The following ATAD2 variants were observed in gnomAD, a reference collection of about 807,000 sequenced individuals.
The protein encoded by ATAD2 is ATPase family AAA domain-containing protein 2.
A neutral mutation model predicts 168.9 loss-of-function variants in ATAD2; 62 were observed. That is an observed-to-expected ratio of 0.37 (90% CI 0.30 to 0.45). The LOEUF (loss-of-function observed/expected upper bound fraction) is 0.45, where lower values mean the gene tolerates loss of function less well. Ranked by LOEUF, ATAD2 falls within the 20% of genes least tolerant of loss-of-function variation. ATAD2 has a pLI of 1.00. For missense variants in ATAD2, 1,419 were observed against 1,667.8 expected, an observed-to-expected ratio of 0.85 and a Z score of 2.60; for synonymous variants, 613 against 571.6, an observed-to-expected ratio of 1.07 and a Z score of -1.03.
intron 2 of ATAD2, among the ~76,000 whole-genome samples, chr8:123,379,916 C>T (rs1829444940): frequency 2.9e-5 from 4 of 138,048 alleles, no homozygotes; most frequent in Admixed American, 1.6e-4. Flanking sequence ...GACTGAGTTT[C>T]GCTCTTGTTG....
intron 1 of ATAD2, among the ~76,000 whole-genome samples, chr8:123,412,699 T>A (rs906895451): frequency 2.6e-5 from 4 of 152,164 alleles, no homozygotes; most frequent in African/African-American, 9.7e-5. Flanking sequence ...CCCAAAGTTC[T>A]AGGATTACAG....
chr8:123,370,789 G>C, intron 6 of ATAD2, 114 bp downstream of exon 6: 1 of 704,128 alleles, frequency 1.4e-6, no homozygotes, highest in Non-Finnish European at 2.3e-6. Flanking sequence ...CCAATCCTCT[G>C]ATCTCTCACA....
chr8:123,326,577 C>G (rs752796253), intron 25 of ATAD2, among the ~76,000 whole-genome samples: 5 of 151,868 alleles, frequency 3.3e-5, no homozygotes, highest in Non-Finnish European at 7.4e-5. Context: ...GCTTGGGAGG[C>G]TGAGGTTTGA....
chr8:123,395,847 C>A (rs1451008322), intron 1 of ATAD2, among the ~76,000 whole-genome samples: 1 of 152,138 alleles, frequency 6.6e-6, no homozygotes, highest in Non-Finnish European at 1.5e-5. Flanking sequence ...AGGGCAGGAG[C>A]CTGGGCGATC....
intron 24 of ATAD2, among the ~76,000 whole-genome samples, chr8:123,333,115 G>A (rs1258599954): frequency 2.0e-5 from 3 of 151,364 alleles, no homozygotes; most frequent in Admixed American, 1.3e-4. Context: ...ATGGCCAGGC[G>A]CAGTGGCTCA....
At chr8:123,345,917 G>A (rs904123275) in intron 18 of ATAD2, among the ~76,000 whole-genome samples, 169 bp downstream of exon 18, 2 of 152,158 alleles carry the variant, frequency 1.3e-5, no homozygotes, top group Non-Finnish European at 2.9e-5. Context: ...GTGAATGTGG[G>A]ATTTAAAGTC....
upstream of ATAD2, among the ~76,000 whole-genome samples, chr8:123,397,732 T>C (rs555987655): frequency 4.6e-5 from 7 of 152,164 alleles, no homozygotes; most frequent in Non-Finnish European, 8.8e-5. Flanking sequence ...TAAACTCTAG[T>C]GGAAGGTGAA....
At chr8:123,401,010 T>C, upstream of ATAD2, 1 of 1,517,630 alleles carries the variant, frequency 6.6e-7, no homozygotes, top group African/African-American at 1.4e-5. Flanking sequence ...TCCCCATCAC[T>C]GAGACAGGCA....
intron 1 of ATAD2, among the ~76,000 whole-genome samples, chr8:123,406,213 C>G (rs1322132201): frequency 6.6e-6 from 1 of 151,778 alleles, no homozygotes; most frequent in Admixed American, 6.6e-5. Context: ...TGTGTCTCTA[C>G]TAAAAATACA....
chr8:123,410,149 G>A lies in ATAD2; in HGVS notation c.-2282+6099C>T, dbSNP rs1442127881. 4.6e-5 allele frequency among the ~76,000 whole-genome samples: 7 copies of A among 152,018 alleles called. No individual in the cohort carries two copies. The East Asian group carries it at 1.3e-3, about 29-fold the overall frequency. ...AATATCTTAATTTCACTGGACACAG[G>A]TTTCTTTGAGTAGCATTTCGTATTT... On this transcript the variant is annotated intron_variant, in intron 1 of 28. Transcript: ENST00000521903.
chr8:123,366,986 A>AAAAAT (rs1186824804), intron 8 of ATAD2, among the ~76,000 whole-genome samples: 10 of 152,288 alleles, frequency 6.6e-5, no homozygotes, highest in Admixed American at 5.2e-4. Flanking sequence ...AACAAAAACC[A>AAAAAT]AAAATAAAAT....
At chr8:123,348,373 A>G (rs1828323472) in intron 14 of ATAD2, 100 bp from the exon 15 acceptor site, 1 of 1,006,200 alleles carries the variant, frequency 9.9e-7, no homozygotes, top group Admixed American at 3.1e-5. Context: ...CTAAAATTTT[A>G]AAGTGATCAG....
chr8:123,337,854 C>A, intron 20 of ATAD2, 33 bp from the exon 21 acceptor site: 1 of 1,548,196 alleles, frequency 6.5e-7, no homozygotes, highest in Non-Finnish European at 8.7e-7. Flanking sequence ...AGTTACTGCT[C>A]CTCCATAACA....
intron 5 of ATAD2, 94 bp downstream of exon 5, chr8:123,371,142 G>C: frequency 8.7e-7 from 1 of 1,143,584 alleles, no homozygotes; most frequent in Non-Finnish European, 1.2e-6. Context: ...AATAAATGCT[G>C]GAAAAAGTAG....
At chr8:123,336,013 A>G (rs1050756234) in intron 22 of ATAD2, among the ~76,000 whole-genome samples, 5 of 152,338 alleles carry the variant, frequency 3.3e-5, no homozygotes, top group Middle Eastern at 6.8e-3. Context: ...AGAATATTTT[A>G]AAAACTATTT....
chr8:123,362,300 TA>T (rs58362261), intron 8 of ATAD2, among the ~76,000 whole-genome samples: 89,876 of 133,646 alleles, frequency 0.67, 29,319 homozygotes, highest in African/African-American at 0.73. Context: ...TGCCTCTATC[TA>T]AAAAAAAAAA....
At chr8:123,398,035 T>C (rs114763914), upstream of ATAD2, among the ~76,000 whole-genome samples, 1,830 of 152,056 alleles carry the variant, frequency 0.012, 43 homozygotes, top group African/African-American at 0.042. Flanking sequence ...CAAATTCCCA[T>C]CCAAACCCTG....
At chr8:123,415,914 T>C (rs1237015500) in intron 1 of ATAD2, among the ~76,000 whole-genome samples, 1 of 152,164 alleles carries the variant, frequency 6.6e-6, no homozygotes, top group Admixed American at 6.5e-5. Context: ...TTTAACAATA[T>C]GGTGTCTTTT....
chr8:123,342,964 T>C (rs1385340375), intron 19 of ATAD2, among the ~76,000 whole-genome samples: 2 of 151,964 alleles, frequency 1.3e-5, no homozygotes, highest in African/African-American at 4.8e-5. Flanking sequence ...TCCACGTCTT[T>C]CCTCAAATAT....
Sources: gnomAD v4.1 joint callset for allele counts (sites outside exome capture counted in the v4.1 genomes callset) on GRCh38, gnomAD v4.1.1 for gene constraint, MANE v1.5 for transcripts, NCBI Gene and HGNC (gene_info 2026-07-23, HGNC 2026-07-21) for gene names.